Variants in NEK11 observed in about 807,000 individuals in gnomAD.
NEK11 encodes the protein NIMA related kinase 11.
In NEK11, 72 loss-of-function variants were observed where a neutral mutation model predicts 80.7. The observed-to-expected ratio is 0.89, with a 90% confidence interval of 0.74 to 1.08. The LOEUF (loss-of-function observed/expected upper bound fraction) is 1.08, where lower values mean the gene tolerates loss of function less well. NEK11 is among the 50% of genes least tolerant of loss of function. The pLI, the probability that NEK11 is intolerant of heterozygous loss-of-function variation, is 0.00. For synonymous variants in NEK11, 251 were observed against 260.7 expected, an observed-to-expected ratio of 0.96 and a Z score of 0.36; for missense variants, 764 against 763.6, an observed-to-expected ratio of 1.00 and a Z score of -0.01.
intron 17 of NEK11, among the ~76,000 whole-genome samples, chr3:131,332,223 G>A (rs943079084): frequency 5.3e-5 from 8 of 152,184 alleles, no homozygotes; most frequent in Non-Finnish European, 1.2e-4. Flanking sequence ...CCCCCAGTAG[G>A]GGCACACTGA....
chr3:131,037,214 C>T (rs2065778564), intron 3 of NEK11, among the ~76,000 whole-genome samples: 5 of 72,602 alleles, frequency 6.9e-5, no homozygotes, highest in Non-Finnish European at 1.5e-4. Context: ...CATTCTGTGT[C>T]ATTCAATGGA....
intron 14 of NEK11, among the ~76,000 whole-genome samples, chr3:131,211,737 C>T (rs1354934087): frequency 6.6e-6 from 1 of 152,162 alleles, no homozygotes; most frequent in African/African-American, 2.4e-5. Context: ...ACCACTGATA[C>T]CCTCTCTTCC....
At chr3:131,293,440 C>T (rs1235048348) in intron 17 of NEK11, among the ~76,000 whole-genome samples, 1 of 152,002 alleles carries the variant, frequency 6.6e-6, no homozygotes, top group Non-Finnish European at 1.5e-5. Context: ...GGATAAATCC[C>T]ACTTGGTCAT....
At chr3:131,112,506 AC>A (rs1191583454) in intron 5 of NEK11, among the ~76,000 whole-genome samples, 2 of 152,216 alleles carry the variant, frequency 1.3e-5, no homozygotes, top group Non-Finnish European at 2.9e-5. Context: ...CAAGAGTGGT[AC>A]AGATGTTGAT....
At chr3:131,278,968 G>A (rs1002287221) in intron 17 of NEK11, among the ~76,000 whole-genome samples, 1 of 151,972 alleles carries the variant, frequency 6.6e-6, no homozygotes. Context: ...TAAAGTTTGA[G>A]ACATTTGTTA....
At chr3:131,093,516 TC>T (rs2077024423) in intron 4 of NEK11, among the ~76,000 whole-genome samples, 1 of 152,096 alleles carries the variant, frequency 6.6e-6, no homozygotes. Context: ...CTCCGCCTCC[TC>T]AGCTCAAGCA....
intron 17 of NEK11, among the ~76,000 whole-genome samples, chr3:131,313,815 T>C (rs1463807218): frequency 1.3e-5 from 2 of 152,238 alleles, no homozygotes. Context: ...AGCGCAAAGT[T>C]GGAATAACAG....
intron 16 of NEK11, among the ~76,000 whole-genome samples, chr3:131,271,347 G>A (rs1220009107): frequency 2.0e-5 from 3 of 152,200 alleles, no homozygotes; most frequent in African/African-American, 7.2e-5. Context: ...TCCAAGGAAA[G>A]ATCAGAGACT....
rs1400355738 is a variant in NEK11 at position 131,325,379 on chromosome 3, T to G, written c.1719-24178T>G. ...GGGGTACATACTTGTGTATATATAG[T>G]AAAAGTATTTTTTTAATTCTTGGTG... On this transcript the variant is annotated intron_variant, in intron 17 of 17. Coordinates refer to ENST00000383366, the MANE Select transcript of NEK11 (RefSeq NM_024800.5). 2.0e-5 allele frequency: 3 copies of G among 151,956 alleles called. No homozygotes were observed. The East Asian group carries it at 5.8e-4, about 29-fold the overall frequency. 9.4% of individuals were successfully genotyped at this position (151,956 alleles called of 1,614,324 possible).
intron 3 of NEK11, among the ~76,000 whole-genome samples, chr3:131,064,489 C>T (rs369320917): frequency 2.0e-5 from 3 of 152,192 alleles, no homozygotes; most frequent in East Asian, 3.9e-4. Flanking sequence ...ACTCTGCTGG[C>T]CTCATTTTAA....
chr3:131,132,674 A>G (rs1175369441), intron 5 of NEK11, 71 bp from the exon 6 acceptor site: 3 of 770,756 alleles, frequency 3.9e-6, no homozygotes, highest in African/African-American at 3.6e-5. Context: ...GCAACAACAT[A>G]TATTATTTAC....
intron 17 of NEK11, among the ~76,000 whole-genome samples, chr3:131,296,818 C>A (rs372849930): frequency 2.6e-5 from 4 of 152,122 alleles, no homozygotes; most frequent in East Asian, 3.9e-4. Context: ...CCACTCCCCC[C>A]ACCCCACAAC....
chr3:131,231,274 TC>T (rs1254462082), intron 15 of NEK11, among the ~76,000 whole-genome samples: 17 of 150,880 alleles, frequency 1.1e-4, no homozygotes, highest in African/African-American at 4.1e-4. Flanking sequence ...TGATCTCTGC[TC>T]ACTCTAATTG....
At chr3:131,349,514 T>G (rs779049194) in intron 17 of NEK11, 43 bp from the exon 18 acceptor site, 3 of 1,501,496 alleles carry the variant, frequency 2.0e-6, no homozygotes, top group Non-Finnish European at 2.8e-6. Context: ...GCAGGTGATC[T>G]TAATGTGTAA....
At position 131,261,539 on chromosome 3, in the gene NEK11, G is replaced by A. The variant is rs977526832; in HGVS notation, c.1622-11939G>A. ...TCTTAGATCACAGAATGTTAGAATT[G>A]AGGGAAGGCCTTCAGTCTAATGAAA... On this transcript the variant is annotated intron_variant, in intron 16 of 17. Transcript: ENST00000383366. 2.6e-5 allele frequency among the ~76,000 whole-genome samples: 4 copies of A among 152,158 alleles called. No homozygotes were observed. The South Asian group carries it at 8.3e-4, about 32-fold the overall frequency.
chr3:131,266,541 C>G (rs2108563244), intron 16 of NEK11, among the ~76,000 whole-genome samples: 1 of 152,300 alleles, frequency 6.6e-6, no homozygotes, highest in South Asian at 2.1e-4. Flanking sequence ...ATCCTCAGTT[C>G]TAATTGATTG....
At position 131,336,851 on chromosome 3, in the gene NEK11, G is replaced by A. The variant is rs1171058395; in HGVS notation, c.1719-12706G>A. ...AAAGAAGACATTTATGCAGCCAAAA[G>A]ACACATGTAAAAATGCTCATCATCA... is the stretch of plus-strand genomic sequence containing the variant. On this transcript the variant is annotated intron_variant, in intron 17 of 17. Coordinates refer to ENST00000383366, the MANE Select transcript of NEK11 (RefSeq NM_024800.5). Among the ~76,000 whole-genome samples, 4 of 152,284 alleles carry A rather than the reference G, an allele frequency of 2.6e-5. No homozygotes were observed. The East Asian group carries it at 7.7e-4, about 29-fold the overall frequency.
chr3:131,297,669 G>T (rs752051943), intron 17 of NEK11, among the ~76,000 whole-genome samples: 3,300 of 151,878 alleles, frequency 0.022, 71 homozygotes, highest in African/African-American at 0.059. Context: ...TTAGTTTAAT[G>T]AGATCCCATT....
intron 14 of NEK11, among the ~76,000 whole-genome samples, chr3:131,222,049 T>A (rs2095043207): frequency 6.6e-6 from 1 of 152,142 alleles, no homozygotes; most frequent in African/African-American, 2.4e-5. Flanking sequence ...CCAGGATGAC[T>A]AAGCTTCAGT....
Sources: gnomAD v4.1 joint callset for allele counts (sites outside exome capture counted in the v4.1 genomes callset) on GRCh38, gnomAD v4.1.1 for gene constraint, MANE v1.5 for transcripts, NCBI Gene and HGNC (gene_info 2026-07-23, HGNC 2026-07-21) for gene names.